Variants in ITGA6 observed in about 807,000 individuals in gnomAD.
ITGA6 encodes the protein integrin subunit alpha 6, also known as integrin alpha-6.
A neutral mutation model predicts 133.6 loss-of-function variants in ITGA6; 63 were observed. That is an observed-to-expected ratio of 0.47 (90% confidence interval 0.38 to 0.58). The LOEUF is 0.58. Ranked by LOEUF, ITGA6 falls within the 20% of genes least tolerant of loss-of-function variation. The probability of loss-of-function intolerance (pLI) is 0.00; values close to 1 mark genes in which losing one functional copy is unlikely to be tolerated. For missense variants in ITGA6, 1,068 were observed against 1,309.4 expected (o/e 0.82, Z 2.85); for synonymous variants, 434 against 482.0 (o/e 0.90, Z 1.30).
At chr2:172,477,388 T>C (rs1180186719) in intron 9 of ITGA6, among the ~76,000 whole-genome samples, 2 of 152,176 alleles carry the variant, frequency 1.3e-5, no homozygotes, top group Admixed American at 1.3e-4. Context: ...AAGTAGCAGA[T>C]TTATTTTTTT....
chr2:172,479,308 A>T (rs1052584675), intron 9 of ITGA6, among the ~76,000 whole-genome samples: 1 of 152,212 alleles, frequency 6.6e-6, no homozygotes, highest in Non-Finnish European at 1.5e-5. Flanking sequence ...ATTTTAGATA[A>T]TTTTAACTGA....
intron 4 of ITGA6, 145 bp from the exon 5 acceptor site, chr2:172,470,829 A>G: frequency 1.3e-6 from 1 of 764,236 alleles, no homozygotes; most frequent in Non-Finnish European, 2.1e-6. Flanking sequence ...TTACAACCAT[A>G]AAAGTCATCT....
intron 1 of ITGA6, among the ~76,000 whole-genome samples, chr2:172,453,672 C>CA (rs1057500967): frequency 6.6e-6 from 1 of 152,186 alleles, no homozygotes; most frequent in African/African-American, 2.4e-5. Context: ...CTTTCCTGGG[C>CA]AGGGGCATTG....
intron 4 of ITGA6, among the ~76,000 whole-genome samples, chr2:172,470,582 C>G (rs1685881565): frequency 6.6e-6 from 1 of 152,048 alleles, no homozygotes; most frequent in Non-Finnish European, 1.5e-5. Flanking sequence ...ATCAATATGT[C>G]TCACTTTTAC....
At chr2:172,462,084 C>T (rs1456437085) in intron 1 of ITGA6, among the ~76,000 whole-genome samples, 1 of 152,202 alleles carries the variant, frequency 6.6e-6, no homozygotes, top group Non-Finnish European at 1.5e-5. Context: ...AGGATGAAGG[C>T]GCCTCCAGTT....
intron 23 of ITGA6, among the ~76,000 whole-genome samples, chr2:172,493,964 A>G (rs1687025348): frequency 6.6e-6 from 1 of 152,120 alleles, no homozygotes; most frequent in African/African-American, 2.4e-5. Context: ...GTCTTCACAA[A>G]TTGGTAGATT....
chr2:172,498,325 C>T (rs1174305244), intron 24 of ITGA6, among the ~76,000 whole-genome samples: 2 of 152,184 alleles, frequency 1.3e-5, no homozygotes, highest in African/African-American at 2.4e-5. Context: ...TAAGTTTCTT[C>T]ATTTGTCTCT....
At chr2:172,450,554 A>G (rs1226780291) in intron 1 of ITGA6, among the ~76,000 whole-genome samples, 2 of 152,216 alleles carry the variant, frequency 1.3e-5, no homozygotes, top group South Asian at 2.1e-4. Context: ...TAGAGCCTGT[A>G]GACTTTACTG....
intron 23 of ITGA6, among the ~76,000 whole-genome samples, chr2:172,496,457 G>T (rs1046160941): frequency 7.2e-5 from 11 of 152,212 alleles, no homozygotes; most frequent in African/African-American, 2.2e-4. Context: ...TGTAAGTCAG[G>T]TGAGGTTGAG....
chr2:172,461,901 G>C (rs1456135966), intron 1 of ITGA6, among the ~76,000 whole-genome samples: 1 of 152,196 alleles, frequency 6.6e-6, no homozygotes, highest in Non-Finnish European at 1.5e-5. Flanking sequence ...TTAGGAAGTA[G>C]ATAGGTTGTT....
At chr2:172,427,483 C>A, upstream of ITGA6, 2 of 1,040,484 alleles carry the variant, frequency 1.9e-6, no homozygotes, top group Non-Finnish European at 2.3e-6. Context: ...AAGGTGCGGG[C>A]GGTGCGCCGG....
Position 172,471,004 on chromosome 2 carries a change from C to CT in ITGA6, c.681dup (p.Asp228Ter). 4 of 1,613,868 alleles carry CT rather than the reference C, an allele frequency of 2.5e-6. No homozygotes were observed. The highest frequency in any genetic ancestry group is 2.2e-5 in the East Asian group (1 of 44,884). The stretch of plus-strand genomic sequence containing the variant: ...GTTCGTGTAGAGCAAAAGAATAACA[C>CT]TTTTTTTGACATGAACATCTTTGAA... On this transcript the variant is annotated frameshift_variant, in exon 5 of 26. Coordinates refer to ENST00000684293, the MANE Select transcript of ITGA6 (RefSeq NM_000210.4). LOFTEE classifies it high-confidence loss of function.
chr2:172,501,695 T>G, intron 24 of ITGA6, 77 bp from the exon 25 acceptor site: 2 of 1,476,752 alleles, frequency 1.4e-6, no homozygotes, highest in Non-Finnish European at 1.9e-6. Flanking sequence ...GAAGGCAGAT[T>G]AAAATTTGAG....
At chr2:172,437,344 A>C (rs1187028388) in intron 1 of ITGA6, among the ~76,000 whole-genome samples, 1 of 152,244 alleles carries the variant, frequency 6.6e-6, no homozygotes. Context: ...ATTTGGACCA[A>C]TGTGGCAGCA....
intron 2 of ITGA6, chr2:172,465,950 A>G (rs2149036744): frequency 2.0e-6 from 1 of 510,210 alleles, no homozygotes; most frequent in Non-Finnish European, 3.6e-6. Flanking sequence ...AGGTTGTGGA[A>G]AAACTCATTT....
intron 23 of ITGA6, among the ~76,000 whole-genome samples, chr2:172,492,799 C>G (rs7564591): frequency 0.23 from 35,516 of 152,234 alleles, 4,777 homozygotes; most frequent in East Asian, 0.55. Flanking sequence ...TGGAAATGTT[C>G]TGGCTTCAGT....
At chr2:172,493,744 C>T (rs1275133235) in intron 23 of ITGA6, among the ~76,000 whole-genome samples, 1 of 152,154 alleles carries the variant, frequency 6.6e-6, no homozygotes, top group Admixed American at 6.5e-5. Flanking sequence ...GGTATCTCCC[C>T]GTCAGGGTCA....
Position 172,504,401 on chromosome 2 carries a change from A to G in ITGA6, c.*333A>G. 1.9e-6 allele frequency: 1 copy of G among 537,564 alleles called. No individual in the cohort carries two copies. Among genetic ancestry groups the G allele is most frequent in the Non-Finnish European group, 3.2e-6 (1 of 311,014 alleles). The allele number at this position is 537,564 out of a possible 1,614,324, so 33.3% of individuals were successfully genotyped here. A position where few individuals can be genotyped will look rare whatever the true frequency, so the allele number is the denominator to read the frequency against. On this transcript the variant is annotated 3_prime_UTR_variant, in exon 26 of 26. Transcript: ENST00000684293. ...CGAACCTACAGTTTTAACTGTGGAT[A>G]TTGTTACGTAGCCTAAGGCTCCTGT...
intron 1 of ITGA6, among the ~76,000 whole-genome samples, chr2:172,442,117 C>T (rs1247955795): frequency 6.6e-6 from 1 of 152,160 alleles, no homozygotes; most frequent in South Asian, 2.1e-4. Flanking sequence ...GCTGTGTGTT[C>T]CCCATGTTTC....
Sources: gnomAD v4.1 joint callset for allele counts (sites outside exome capture counted in the v4.1 genomes callset) on GRCh38, gnomAD v4.1.1 for gene constraint, MANE v1.5 for transcripts, NCBI Gene and HGNC (gene_info 2026-07-23, HGNC 2026-07-21) for gene names.